RGPD4: variants seen among roughly 807,000 people sequenced by gnomAD.
RGPD4 encodes RANBP2 like and GRIP domain containing 4.
A neutral mutation model predicts 141.1 loss-of-function variants in RGPD4; 84 were observed. That is an observed-to-expected ratio of 0.60 (90% CI 0.50 to 0.71). RGPD4 has a LOEUF of 0.71. Ranked by LOEUF, RGPD4 falls within the 30% of genes least tolerant of loss-of-function variation. The pLI, the probability that RGPD4 is intolerant of heterozygous loss-of-function variation, is 0.00. For synonymous variants in RGPD4, 298 were observed against 566.8 expected (o/e 0.53, Z 6.74); for missense variants, 918 against 1,622.4 (o/e 0.57, Z 7.46).
Position 107,872,132 on chromosome 2 carries a change from A to C in RGPD4, c.4128A>C (p.Glu1376Asp). The C allele has an allele frequency of 6.2e-7, 1 of 1,611,592 alleles. No individual in the cohort carries two copies. Among genetic ancestry groups the C allele is most frequent in the Non-Finnish European group, 8.5e-7 (1 of 1,179,860 alleles). Reference sequence around the variant, plus strand: ...ATAAAGATGTTGGTCAATGGAAAGAAAGGGGCATTGGTGATATAAAGATTT... The same window carrying C: ...ATAAAGATGTTGGTCAATGGAAAGACAGGGGCATTGGTGATATAAAGATTT... The part of the protein sequence containing the change: ...RYDKDVGQWK[E>D]RGIGDIKILQ... The change falls in exon 20 of 23, where the codon GAA (glutamate) becomes GAC (aspartate). Residue 1376 changes from glutamate to aspartate, a missense_variant. By Grantham distance (45) the Glu-to-Asp change is conservative. Transcript: ENST00000408999.
intron 8 of RGPD4, among the ~76,000 whole-genome samples, chr2:107,855,476 C>T (rs1185181343): frequency 1.3e-5 from 2 of 151,942 alleles, no homozygotes; most frequent in East Asian, 3.9e-4. Flanking sequence ...AGTGCCTTTG[C>T]GTGGTGTCAC....
rs1394695767 is a variant in RGPD4, at chr2:107,891,259, ATT to A, written c.*529_*530del. On this transcript the variant is annotated 3_prime_UTR_variant, in exon 23 of 23. Transcript: ENST00000408999. ...AATCGTTTGAGGCTAGTGAGCTGTG[ATT>A]GTACCACTGCACTCCAGCTCGGGGA... Among the ~76,000 whole-genome samples, 166 of 136,088 alleles carry A rather than the reference ATT, an allele frequency of 1.2e-3. No individual in the cohort carries two copies. Among genetic ancestry groups the A allele is most frequent in the African/African-American group, 4.8e-3 (158 of 32,772 alleles). The allele number at this position is 136,088 out of a possible 152,430, so 89.3% of individuals were successfully genotyped here. A position where few individuals can be genotyped will look rare whatever the true frequency, so the allele number is the denominator to read the frequency against.
intron 17 of RGPD4, among the ~76,000 whole-genome samples, chr2:107,863,591 C>G (rs1682631336): frequency 6.6e-6 from 1 of 151,674 alleles, no homozygotes; most frequent in South Asian, 2.1e-4. Context: ...CTCCCAGGTT[C>G]AAGCAACTCT....
chr2:107,887,541 C>T (rs1675549108), intron 22 of RGPD4, among the ~76,000 whole-genome samples: 1 of 149,484 alleles, frequency 6.7e-6, no homozygotes, highest in Non-Finnish European at 1.5e-5. Context: ...AAAGCAGCAT[C>T]AAAATCTTTA....
At chr2:107,883,470 A>T (rs1408979031) in intron 22 of RGPD4, among the ~76,000 whole-genome samples, 2 of 151,094 alleles carry the variant, frequency 1.3e-5, no homozygotes, top group African/African-American at 4.9e-5. Flanking sequence ...TCTCTACTAA[A>T]AATACAAAAA....
At chr2:107,833,793 T>C (rs1295817040) in intron 1 of RGPD4, among the ~76,000 whole-genome samples, 18 of 152,102 alleles carry the variant, frequency 1.2e-4, no homozygotes, top group Non-Finnish European at 2.9e-5. Context: ...AATCCCAGCA[T>C]TTTGGGAGGT....
At chr2:107,881,382 A>G (rs554651126) in intron 21 of RGPD4, among the ~76,000 whole-genome samples, 1 of 151,704 alleles carries the variant, frequency 6.6e-6, no homozygotes, top group South Asian at 2.1e-4. Context: ...CAGTGGTGCA[A>G]TCTCAGCTCA....
intron 21 of RGPD4, among the ~76,000 whole-genome samples, chr2:107,881,034 A>G (rs1675348838): frequency 6.6e-6 from 1 of 151,718 alleles, no homozygotes; most frequent in African/African-American, 2.4e-5. Flanking sequence ...ATGGTGGAAC[A>G]AAATTCAAAC....
At position 107,827,413 on chromosome 2, in the gene RGPD4, AC is replaced by A. The variant is rs1381967385; in HGVS notation, c.72+331del. 3.2e-5 allele frequency among the ~76,000 whole-genome samples: 2 copies of A among 62,634 alleles called. 1 individual carries two copies. Among genetic ancestry groups the A allele is most frequent in the Non-Finnish European group, 6.3e-5 (2 of 31,858 alleles). 41.1% of individuals were successfully genotyped at this position (62,634 alleles called of 152,430 possible). ...GCGCTCTGTTGAGGCGGCGGCCTCG[AC>A]CCGGCCCGGCCGCGGCCGCGATGGC... On this transcript the variant is annotated intron_variant, in intron 1 of 22. Transcript: ENST00000408999.
At chr2:107,831,679 C>T (rs1282508930) in intron 1 of RGPD4, among the ~76,000 whole-genome samples, 2 of 137,592 alleles carry the variant, frequency 1.5e-5, no homozygotes, top group African/African-American at 5.5e-5. Context: ...GGGTTCACAC[C>T]ATTCTCCTGC....
chr2:107,854,115 C>T (rs1222108883), intron 7 of RGPD4, among the ~76,000 whole-genome samples: 4 of 130,208 alleles, frequency 3.1e-5, no homozygotes, highest in African/African-American at 1.3e-4. Context: ...AGTGCAATGG[C>T]ACAGTCTCGG....
intron 1 of RGPD4, among the ~76,000 whole-genome samples, chr2:107,829,293 G>C (rs1167235973): frequency 4.2e-4 from 13 of 30,794 alleles, no homozygotes; most frequent in South Asian, 3.7e-3. Flanking sequence ...GCGGCGGCCT[G>C]GATGGCTCAG....
intron 18 of RGPD4, among the ~76,000 whole-genome samples, chr2:107,866,777 C>A (rs981347313): frequency 3.7e-5 from 4 of 108,286 alleles, no homozygotes; most frequent in Non-Finnish European, 8.2e-5. Flanking sequence ...CTGAATCATA[C>A]TGGGTTTTTA....
intron 1 of RGPD4, 77 bp from the exon 2 acceptor site, chr2:107,836,525 C>G (rs1681670500): frequency 2.2e-5 from 28 of 1,282,366 alleles, no homozygotes; most frequent in Non-Finnish European, 2.9e-5. Context: ...AAACTTAGGG[C>G]AGATTTTTAC....
intron 17 of RGPD4, among the ~76,000 whole-genome samples, chr2:107,863,840 C>A (rs4012392): frequency 6.6e-6 from 1 of 151,902 alleles, no homozygotes; most frequent in Non-Finnish European, 1.5e-5. Flanking sequence ...TCCTCATCTT[C>A]CACAAAATTT....
chr2:107,831,572 CTTTTTTTTTT>C (rs1166609493), intron 1 of RGPD4, among the ~76,000 whole-genome samples: 1 of 108,802 alleles, frequency 9.2e-6, no homozygotes, highest in African/African-American at 3.8e-5. Flanking sequence ...CTTTTCTTTT[CTTTTTTTTTT>C]TTTTTTTTTT....
intron 8 of RGPD4, among the ~76,000 whole-genome samples, chr2:107,856,080 G>T (rs1425976361): frequency 1.5e-5 from 2 of 135,356 alleles, no homozygotes; most frequent in Admixed American, 1.5e-4. Flanking sequence ...TCCTGAGACA[G>T]TCTTACTCTG....
In RGPD4 at chr2:107,863,532, G is replaced by T. The variant is rs976415698; in HGVS notation, c.2469+500G>T. Among the ~76,000 whole-genome samples the T allele has an allele frequency of 3.0e-4, 45 of 150,172 alleles. 2 individuals are homozygous for T. The highest frequency in any genetic ancestry group is 9.9e-4 in the African/African-American group (40 of 40,342). Reference sequence around the variant, plus strand: ...TTTTGAGACAGAGGCTCGCTCTGTTGCCCAGGCTGGAGTGCAGTGGTGCAA... The same window carrying T: ...TTTTGAGACAGAGGCTCGCTCTGTTTCCCAGGCTGGAGTGCAGTGGTGCAA... On this transcript the variant is annotated intron_variant, in intron 17 of 22. Transcript: ENST00000408999.
chr2:107,833,460 C>T (rs1472312148), intron 1 of RGPD4, among the ~76,000 whole-genome samples: 4 of 150,356 alleles, frequency 2.7e-5, no homozygotes, highest in African/African-American at 9.8e-5. Flanking sequence ...TGCTGTCATG[C>T]AAAGAAGTAC....
Sources: allele counts gnomAD v4.1 joint callset (sites outside exome capture counted in the v4.1 genomes callset), GRCh38; gene constraint gnomAD v4.1.1; transcripts MANE v1.5; gene names NCBI Gene and HGNC (gene_info 2026-07-23, HGNC 2026-07-21).